Variants in ERH observed in about 807,000 individuals in gnomAD.
ERH encodes enhancer of rudimentary homolog.
ERH carries 1 observed loss-of-function variant against 16.8 expected under a neutral mutation model. The observed-to-expected ratio is 0.06, with a 90% CI of 0.02 to 0.28. The LOEUF is 0.28. Ranked by LOEUF, ERH falls within the 10% of genes least tolerant of loss-of-function variation. ERH has a pLI of 1.00. For synonymous variants in ERH, 43 were observed against 43.6 expected, an observed-to-expected ratio of 0.99 and a Z score of 0.05; for missense variants, 42 against 127.5, an observed-to-expected ratio of 0.33 and a Z score of 3.23.
At chr14:69,397,466 A>AAAG (rs1882374434) in intron 1 of ERH, among the ~76,000 whole-genome samples, 1 of 151,652 alleles carries the variant, frequency 6.6e-6, no homozygotes, top group Non-Finnish European at 1.5e-5. Flanking sequence ...AAAAAAAAAA[A>AAAG]GGCAGAGCAC....
intron 2 of ERH, among the ~76,000 whole-genome samples, chr14:69,393,529 T>C (rs1256743633): frequency 5.9e-5 from 9 of 152,152 alleles, no homozygotes; most frequent in Non-Finnish European, 1.0e-4. Context: ...ATGGATGGAA[T>C]TGGAGGTCAT....
chr14:69,397,130 T>C (rs565001297), intron 1 of ERH, among the ~76,000 whole-genome samples: 19 of 152,338 alleles, frequency 1.2e-4, no homozygotes, highest in African/African-American at 4.1e-4. Flanking sequence ...TTTTCAGTAC[T>C]TACTGCCCAA....
rs547920163 is a variant in ERH, at chr14:69,380,373, G to C, written c.*165C>G. On this transcript the variant is annotated 3_prime_UTR_variant, in exon 4 of 4. Transcript: ENST00000557016. ...GAAAGAAAAAGAGGAGGTAACGGGGGTTTCCGATTGAACAAGATCCTCACA... is the reference window on the plus strand; with the variant it reads ...GAAAGAAAAAGAGGAGGTAACGGGGCTTTCCGATTGAACAAGATCCTCACA... 1 of 438,642 alleles carries C rather than the reference G, an allele frequency of 2.3e-6. No homozygotes were observed. Among genetic ancestry groups the C allele is most frequent in the South Asian group, 7.3e-5 (1 of 13,766 alleles). 27.2% of individuals were successfully genotyped at this position (438,642 alleles called of 1,614,324 possible). A position where few individuals can be genotyped will look rare whatever the true frequency, so the allele number is the denominator to read the frequency against.
At chr14:69,398,069 T>TGGC (rs1317732960) in intron 1 of ERH, 162 bp downstream of exon 1, 1 of 927,946 alleles carries the variant, frequency 1.1e-6, no homozygotes, top group Non-Finnish European at 1.7e-6. Context: ...GAGTCAGGCC[T>TGGC]GGCGTCCCTG....
rs1354817717 is a variant in ERH, at chr14:69,398,284, C to T, written c.-51G>A. ...AGCTGCCGACACCGCCGCCGTTACA[C>T]GAGCTTAACTACAACGCCGCTAACA... On this transcript the variant is annotated 5_prime_UTR_variant, in exon 1 of 4. The change creates a new upstream start codon in the 5' untranslated region. Transcript: ENST00000557016. 3.5e-5 allele frequency: 56 copies of T among 1,613,388 alleles called. No individual in the cohort carries two copies. Among genetic ancestry groups the T allele is most frequent in the Non-Finnish European group, 4.7e-5 (55 of 1,179,814 alleles).
intron 3 of ERH, among the ~76,000 whole-genome samples, chr14:69,382,898 T>C (rs2045871323): frequency 6.6e-6 from 1 of 152,118 alleles, no homozygotes; most frequent in African/African-American, 2.4e-5. Flanking sequence ...AATACTTTAA[T>C]AAAATGCCTA....
At chr14:69,394,511 T>A (rs1594889729) in intron 2 of ERH, among the ~76,000 whole-genome samples, 1 of 152,108 alleles carries the variant, frequency 6.6e-6, no homozygotes, top group East Asian at 1.9e-4. Context: ...CACAAGAGAA[T>A]CACTTGAACC....
rs867015646 is a variant in ERH, at chr14:69,397,898, A to T, written c.3+333T>A. The T allele has an allele frequency of 1.1e-5, 5 of 472,012 alleles. No individual in the cohort carries two copies. In the South Asian group the frequency reaches 1.2e-4, roughly 11 times the overall value. 29.2% of individuals were successfully genotyped at this position (472,012 alleles called of 1,614,324 possible). A position where few individuals can be genotyped will look rare whatever the true frequency, so the allele number is the denominator to read the frequency against. On this transcript the variant is annotated intron_variant, in intron 1 of 3. Transcript: ENST00000557016. ...CCGCCACTGCACTCCAGCCTGGGCG[A>T]TAGAGTGAGACTCTCTATCTCAAAA...
intron 2 of ERH, among the ~76,000 whole-genome samples, chr14:69,389,642 C>T (rs997534787): frequency 8.5e-5 from 13 of 152,226 alleles, no homozygotes; most frequent in South Asian, 6.2e-4. Flanking sequence ...TATGCCTTAA[C>T]AACAAGTCTG....
At chr14:69,398,143 G>A in intron 1 of ERH, 88 bp downstream of exon 1, 1 of 1,484,604 alleles carries the variant, frequency 6.7e-7, no homozygotes, top group South Asian at 1.2e-5. Context: ...CGCTGCATGG[G>A]GCTCGTGGGG....
At chr14:69,394,371 G>T (rs1882286914) in intron 2 of ERH, among the ~76,000 whole-genome samples, 1 of 151,852 alleles carries the variant, frequency 6.6e-6, no homozygotes, top group Admixed American at 6.6e-5. Flanking sequence ...GGCCAAGGCG[G>T]ATTACTTGAG....
At chr14:69,398,154 A>C in intron 1 of ERH, 77 bp downstream of exon 1, 1 of 1,549,102 alleles carries the variant, frequency 6.5e-7, no homozygotes. Flanking sequence ...GCTCGTGGGG[A>C]GGGGAAAACG....
At chr14:69,397,611 C>CA (rs1392720930) in intron 1 of ERH, among the ~76,000 whole-genome samples, 1 of 152,148 alleles carries the variant, frequency 6.6e-6, no homozygotes, top group Non-Finnish European at 1.5e-5. Context: ...CAGGCTAGAG[C>CA]ATTTGGAGGG....
intron 2 of ERH, among the ~76,000 whole-genome samples, chr14:69,389,825 G>A (rs2045914372): frequency 6.6e-6 from 1 of 152,102 alleles, no homozygotes; most frequent in Non-Finnish European, 1.5e-5. Flanking sequence ...AGGCTGGAGT[G>A]CAGTGGCCCA....
chr14:69,397,840 C>T (rs527962901), intron 1 of ERH, among the ~76,000 whole-genome samples: 5 of 152,286 alleles, frequency 3.3e-5, no homozygotes, highest in African/African-American at 9.6e-5. Flanking sequence ...ATTGCTTCAA[C>T]CCAGGAGGCA....
chr14:69,384,540 G>C (rs1391923268), intron 3 of ERH, among the ~76,000 whole-genome samples: 1 of 152,130 alleles, frequency 6.6e-6, no homozygotes, highest in East Asian at 1.9e-4. Context: ...CTGGGAGTAA[G>C]TATGACATCC....
chr14:69,385,825 C>T (rs1209316198), intron 3 of ERH, among the ~76,000 whole-genome samples: 1 of 152,118 alleles, frequency 6.6e-6, no homozygotes, highest in Non-Finnish European at 1.5e-5. Context: ...ATTCTCAGTC[C>T]TCACATATCT....
At chr14:69,387,774 G>A (rs2140231143) in intron 2 of ERH, among the ~76,000 whole-genome samples, 1 of 151,862 alleles carries the variant, frequency 6.6e-6, no homozygotes, top group South Asian at 2.1e-4. Flanking sequence ...GCCGGGCACA[G>A]TGGCTCACGC....
chr14:69,389,639 TAAC>T (rs756520398), intron 2 of ERH, among the ~76,000 whole-genome samples: 5 of 152,200 alleles, frequency 3.3e-5, no homozygotes, highest in Admixed American at 6.5e-5. Flanking sequence ...TTCTATGCCT[TAAC>T]AACAAGTCTG....
Sources: gnomAD v4.1 joint callset for allele counts (sites outside exome capture counted in the v4.1 genomes callset) on GRCh38, gnomAD v4.1.1 for gene constraint, MANE v1.5 for transcripts, NCBI Gene and HGNC (gene_info 2026-07-23, HGNC 2026-07-21) for gene names.